The following ATP2B2 variants were observed in gnomAD, a reference collection of about 807,000 sequenced individuals.
ATP2B2 encodes the protein ATPase plasma membrane Ca2+ transporting 2.
A neutral mutation model predicts 120.0 loss-of-function variants in ATP2B2; 15 were observed. The ratio of observed to expected loss-of-function variants is 0.12; its 90% CI spans 0.08 to 0.19. ATP2B2 has a LOEUF of 0.19. Among genes scored for constraint, ATP2B2 ranks in the 10% least tolerant of loss-of-function variants. The pLI is 1.00. For synonymous variants in ATP2B2, 694 were observed against 700.3 expected (o/e 0.99, Z 0.14); for missense variants, 1,045 against 1,719.8 (o/e 0.61, Z 6.94).
intron 1 of ATP2B2, among the ~76,000 whole-genome samples, chr3:10,686,043 C>CTT (rs34073958): frequency 0.011 from 1,036 of 93,132 alleles, 16 homozygotes; most frequent in African/African-American, 0.02. Flanking sequence ...TTCCTCCTTT[C>CTT]TTTTTTTTTT....
At chr3:10,683,802 A>G (rs1234440239) in intron 1 of ATP2B2, among the ~76,000 whole-genome samples, 1 of 123,380 alleles carries the variant, frequency 8.1e-6, no homozygotes, top group Non-Finnish European at 1.7e-5. Context: ...ATATATATAT[A>G]TATGTAAAGA....
chr3:10,587,331 T>C (rs928165225), intron 2 of ATP2B2, among the ~76,000 whole-genome samples: 1 of 132,538 alleles, frequency 7.5e-6, no homozygotes, highest in African/African-American at 2.7e-5. Flanking sequence ...TGTCTCAATA[T>C]ATATGTATAT....
intron 3 of ATP2B2, among the ~76,000 whole-genome samples, chr3:10,407,009 T>C (rs2062435695): frequency 1.3e-5 from 2 of 152,210 alleles, no homozygotes; most frequent in African/African-American, 4.8e-5. Context: ...GTTGTATTTC[T>C]TGCCTGCCCC....
At chr3:10,653,442 C>T (rs182658420) in intron 1 of ATP2B2, among the ~76,000 whole-genome samples, 18 of 152,272 alleles carry the variant, frequency 1.2e-4, no homozygotes, top group African/African-American at 4.3e-4. Flanking sequence ...AGGGAAGGTG[C>T]CTGAGTTGAG....
In ATP2B2 at chr3:10,343,028, G is replaced by T. The variant is rs946031247; in HGVS notation, c.2704-63C>A. On this transcript the variant is annotated intron_variant, in intron 18 of 22. Transcript: ENST00000360273. This position sits in a 1 kb window ranked among gnomAD's most constrained non-coding sequence, Gnocchi z 4.2. Reference sequence around the variant, plus strand: ...CACCTGCTGCTGTGAAGTGCTGGGCGGGCTCATGGTGTAGTGTCCGCAGGC... The same window carrying T: ...CACCTGCTGCTGTGAAGTGCTGGGCTGGCTCATGGTGTAGTGTCCGCAGGC... The T allele has an allele frequency of 2.6e-6, 4 of 1,560,958 alleles. No homozygotes were observed. The highest frequency in any genetic ancestry group is 3.5e-6 in the Non-Finnish European group (4 of 1,136,436).
chr3:10,540,024 A>C (rs2067399137), intron 2 of ATP2B2, among the ~76,000 whole-genome samples: 1 of 152,270 alleles, frequency 6.6e-6, no homozygotes, highest in South Asian at 2.1e-4. Flanking sequence ...ATTTACAAGA[A>C]AATATCAAAC....
At chr3:10,698,579 G>C (rs905713960) in intron 1 of ATP2B2, among the ~76,000 whole-genome samples, 9 of 152,210 alleles carry the variant, frequency 5.9e-5, no homozygotes, top group Admixed American at 2.6e-4. Context: ...GACCAGCTCT[G>C]CCTTGCTTTG....
intron 2 of ATP2B2, among the ~76,000 whole-genome samples, chr3:10,608,520 C>T (rs1249913758): frequency 6.6e-6 from 1 of 152,212 alleles, no homozygotes; most frequent in Non-Finnish European, 1.5e-5. Flanking sequence ...GTGATGAGGC[C>T]CTGTCAGTTT....
Position 10,358,837 on chromosome 3 carries a change from T to C in ATP2B2, c.1990A>G (p.Met664Val). 2 of 1,614,210 alleles carry C rather than the reference T, an allele frequency of 1.2e-6. No individual in the cohort carries two copies. Among genetic ancestry groups the C allele is most frequent in the Non-Finnish European group, 1.7e-6 (2 of 1,180,028 alleles). The change falls in exon 14 of 23, where the codon ATG (methionine) becomes GTG (valine). Residue 664 changes from methionine to valine, a missense_variant. Met to Val is a conservative substitution (Grantham distance 21, BLOSUM62 1). Transcript: ENST00000360273. ...ATAGTGCGGAGCCCATCGCAAGCCA[T>C]GGGCTCAATCACCTTCTTTACCATC... ...DEMVKKVIEP[M>V]ACDGLRTICV...
intron 1 of ATP2B2, among the ~76,000 whole-genome samples, chr3:10,455,010 T>C (rs1294183622): frequency 6.6e-6 from 1 of 152,226 alleles, no homozygotes; most frequent in East Asian, 1.9e-4. Context: ...GAGAGCATCA[T>C]GTGGGCAGTT....
chr3:10,608,351 G>A (rs1355792704), intron 2 of ATP2B2, among the ~76,000 whole-genome samples: 1 of 152,226 alleles, frequency 6.6e-6, no homozygotes, highest in Non-Finnish European at 1.5e-5. Context: ...TTGAGCCCAG[G>A]AGTTTGAAGC....
chr3:10,640,604 T>A (rs2070144872), intron 1 of ATP2B2, among the ~76,000 whole-genome samples: 1 of 152,124 alleles, frequency 6.6e-6, no homozygotes, highest in Non-Finnish European at 1.5e-5. Context: ...AGGCAGTTAC[T>A]TTTACTGGGA....
chr3:10,491,740 C>A (rs1333514871), intron 1 of ATP2B2, among the ~76,000 whole-genome samples: 2 of 152,074 alleles, frequency 1.3e-5, no homozygotes, highest in South Asian at 2.1e-4. Context: ...AAGAAATGAA[C>A]CCCCTCCAAA....
At chr3:10,354,534 T>G (rs954942745) in intron 14 of ATP2B2, among the ~76,000 whole-genome samples, 1 of 152,216 alleles carries the variant, frequency 6.6e-6, no homozygotes, top group Non-Finnish European at 1.5e-5. Context: ...CTCCGAGGGC[T>G]TCAAACACCC....
At chr3:10,432,225 C>G (rs936060249) in intron 2 of ATP2B2, among the ~76,000 whole-genome samples, 1 of 152,186 alleles carries the variant, frequency 6.6e-6, no homozygotes, top group Non-Finnish European at 1.5e-5. Context: ...GTGATAATAC[C>G]GGAAGGAGAT....
chr3:10,457,235 G>A (rs1235040511), intron 1 of ATP2B2, among the ~76,000 whole-genome samples: 3 of 151,964 alleles, frequency 2.0e-5, no homozygotes, highest in African/African-American at 7.3e-5. Flanking sequence ...TAGGGTGTAT[G>A]GGCGTACAAG....
chr3:10,565,573 A>C (rs1180484426), intron 2 of ATP2B2, among the ~76,000 whole-genome samples: 1 of 151,862 alleles, frequency 6.6e-6, no homozygotes, highest in Non-Finnish European at 1.5e-5. Context: ...TGGGCAAATT[A>C]TTTTTCTAAA....
chr3:10,442,480 T>C (rs1489118759), intron 2 of ATP2B2, among the ~76,000 whole-genome samples: 1 of 152,216 alleles, frequency 6.6e-6, no homozygotes, highest in Non-Finnish European at 1.5e-5. Context: ...ATAGCATGCA[T>C]TGATTAACAT....
intron 1 of ATP2B2, among the ~76,000 whole-genome samples, chr3:10,664,163 A>G (rs1311841246): frequency 6.6e-6 from 1 of 152,020 alleles, no homozygotes; most frequent in Non-Finnish European, 1.5e-5. Context: ...GCAACCCAGA[A>G]TCACTGAGCT....
Sources: gnomAD v4.1 joint callset for allele counts (sites outside exome capture counted in the v4.1 genomes callset) on GRCh38, gnomAD v4.1.1 for gene constraint, Gnocchi (gnomAD v3.1) non-coding constraint, MANE v1.5 for transcripts, NCBI Gene and HGNC (gene_info 2026-07-23, HGNC 2026-07-21) for gene names.